IQCE: variants seen among roughly 807,000 people sequenced by gnomAD.
IQCE encodes IQ motif containing E.
Under a neutral mutation model 96.0 loss-of-function variants are expected in IQCE, and 115 were observed. The observed-to-expected ratio is 1.20, with a 90% CI of 1.03 to 1.40. IQCE has a LOEUF of 1.40. IQCE is among the 40% of genes most tolerant of loss of function. The probability of loss-of-function intolerance (pLI) is 0.00; values close to 1 mark genes in which losing one functional copy is unlikely to be tolerated. For synonymous variants in IQCE, 412 were observed against 371.2 expected, an observed-to-expected ratio of 1.11 and a Z score of -1.26; for missense variants, 1,041 against 909.1, an observed-to-expected ratio of 1.15 and a Z score of -1.87.
At chr7:2,595,299 G>A (rs1326189364) in intron 16 of IQCE, among the ~76,000 whole-genome samples, 1 of 152,176 alleles carries the variant, frequency 6.6e-6, no homozygotes, top group Non-Finnish European at 1.5e-5. Flanking sequence ...GGCTTGGGGG[G>A]AAAGGACGAA....
Position 2,598,590 on chromosome 7 carries a change from G to C in IQCE, c.1566G>C (p.Ala522=). The change falls in exon 17 of 22, where the codon GCG becomes GCC. Residue 522 remains alanine, a synonymous_variant. Transcript: ENST00000402050. ...GCTCTGATGGGAGAAGAGACGCCGCGGCCAGAGTCCTGCAGGCCCAGTGGA... is the reference window on the plus strand; with the variant it reads ...GCTCTGATGGGAGAAGAGACGCCGCCGCCAGAGTCCTGCAGGCCCAGTGGA... ...SPCSDGRRDA[A]ARVLQAQWKV... The C allele has an allele frequency of 6.2e-7, 1 of 1,600,956 alleles. No individual in the cohort carries two copies. Among genetic ancestry groups the C allele is most frequent in the Non-Finnish European group, 8.5e-7 (1 of 1,174,184 alleles).
chr7:2,559,019 T>G lies in IQCE; in HGVS notation c.-163T>G. 1 of 365,690 alleles carries G rather than the reference T, an allele frequency of 2.7e-6. No homozygotes were observed. The highest frequency in any genetic ancestry group is 4.7e-6 in the Non-Finnish European group (1 of 212,154). The allele number at this position is 365,690 out of a possible 1,614,324, so 22.7% of individuals were successfully genotyped here. A position where few individuals can be genotyped will look rare whatever the true frequency, so the allele number is the denominator to read the frequency against. On this transcript the variant is annotated 5_prime_UTR_variant, in exon 1 of 22. Transcript: ENST00000402050. ...CGCCCCAGGGGGAACGCAGGTCGCTTACCCGGCTGGGTAGGTCGGCGGCCT... is the reference window on the plus strand; with the variant it reads ...CGCCCCAGGGGGAACGCAGGTCGCTGACCCGGCTGGGTAGGTCGGCGGCCT...
intron 8 of IQCE, among the ~76,000 whole-genome samples, chr7:2,579,695 C>G (rs1306324884): frequency 4.5e-5 from 6 of 134,720 alleles, no homozygotes; most frequent in East Asian, 2.1e-4. Context: ...TTTTGTTGTT[C>G]TGGTGGTGTG....
chr7:2,601,775 C>T (rs750503121), intron 18 of IQCE: 1 of 324,734 alleles, frequency 3.1e-6, no homozygotes, highest in Non-Finnish European at 5.7e-6. Flanking sequence ...GTCTCCAACT[C>T]CTGACCTTAG....
chr7:2,601,554 T>C, intron 18 of IQCE, 90 bp downstream of exon 18: 1 of 969,666 alleles, frequency 1.0e-6, no homozygotes, highest in South Asian at 1.3e-5. Context: ...GTTGATTCCT[T>C]TTCTTTTTTT....
chr7:2,565,366 A>G (rs564846285), intron 1 of IQCE, among the ~76,000 whole-genome samples: 22 of 152,212 alleles, frequency 1.4e-4, no homozygotes, highest in East Asian at 7.7e-4. Flanking sequence ...TCCCTGCACT[A>G]TGACCGGCAG....
At chr7:2,597,747 A>T (rs1027896528) in intron 16 of IQCE, among the ~76,000 whole-genome samples, 1 of 152,186 alleles carries the variant, frequency 6.6e-6, no homozygotes, top group Non-Finnish European at 1.5e-5. Context: ...GGCTCACTGC[A>T]GCTTTGACCC....
At chr7:2,568,879 C>A in intron 2 of IQCE, 75 bp from the exon 3 acceptor site, 2 of 1,383,802 alleles carry the variant, frequency 1.4e-6, no homozygotes, top group Non-Finnish European at 2.0e-6. Context: ...CTGACCCTTT[C>A]TGAACATGGT....
rs751019633 is a variant in IQCE, at chr7:2,607,360, T to C, written c.1969+133T>C. ...GGAGTGTCCCATCTGGAGCTGCCTC[T>C]GAACTAAGCGTCGCCTTATGCCAGG... On this transcript the variant is annotated intron_variant, in intron 21 of 21. Coordinates refer to ENST00000402050, the MANE Select transcript of IQCE (RefSeq NM_152558.5). 3 of 1,429,920 alleles carry C rather than the reference T, an allele frequency of 2.1e-6. No homozygotes were observed. The African/African-American group carries it at 4.4e-5, about 21-fold the overall frequency. 88.6% of individuals were successfully genotyped at this position (1,429,920 alleles called of 1,614,324 possible).
At position 2,595,394 on chromosome 7, in the gene IQCE, C is replaced by T. The variant is rs189431230; in HGVS notation, c.1440+418C>T. ...AGAACACAAGTTGGCAAAGCCTCAG[C>T]GGGCACTGCCCTCTGGGTGGGGTGG... On this transcript the variant is annotated intron_variant, in intron 16 of 21. Coordinates refer to ENST00000402050, the MANE Select transcript of IQCE (RefSeq NM_152558.5). 6.4e-3 allele frequency among the ~76,000 whole-genome samples: 979 copies of T among 152,216 alleles called. 9 individuals are homozygous for T. The highest frequency in any genetic ancestry group is 0.027 in the South Asian group (131 of 4,816).
chr7:2,600,662 C>G (rs775831467), intron 17 of IQCE, among the ~76,000 whole-genome samples: 1 of 152,200 alleles, frequency 6.6e-6, no homozygotes, highest in Non-Finnish European at 1.5e-5. Flanking sequence ...TTGCTTCCAT[C>G]GTATATTCTG....
At chr7:2,607,843 A>C (rs1784941538) in intron 21 of IQCE, among the ~76,000 whole-genome samples, 1 of 152,218 alleles carries the variant, frequency 6.6e-6, no homozygotes. Context: ...CCTCCTGTAA[A>C]GGGAAGATGA....
At chr7:2,569,820 C>A (rs1366222379) in intron 3 of IQCE, among the ~76,000 whole-genome samples, 1 of 152,084 alleles carries the variant, frequency 6.6e-6, no homozygotes, top group Non-Finnish European at 1.5e-5. Flanking sequence ...TTGCTACTAG[C>A]CCAAGGAAAA....
chr7:2,567,065 G>A (rs372739126), intron 1 of IQCE, 51 bp from the exon 2 acceptor site: 109 of 1,519,802 alleles, frequency 7.2e-5, no homozygotes, highest in Middle Eastern at 1.7e-4. Flanking sequence ...CGTGATGGTC[G>A]GAAGCCCAGC....
chr7:2,596,867 G>A (rs1387575855), intron 16 of IQCE: 3 of 429,354 alleles, frequency 7.0e-6, no homozygotes, highest in South Asian at 1.7e-5. Flanking sequence ...GCCAAGGGCC[G>A]GAATGCTGGT....
chr7:2,574,201 A>G (rs1393085950), intron 6 of IQCE, among the ~76,000 whole-genome samples: 1 of 152,176 alleles, frequency 6.6e-6, no homozygotes, highest in East Asian at 1.9e-4. Context: ...CCATAATTTT[A>G]GTCTGTTTAT....
At chr7:2,606,935 C>T (rs1343238476) in intron 20 of IQCE, among the ~76,000 whole-genome samples, 189 bp from the exon 21 acceptor site, 1 of 152,160 alleles carries the variant, frequency 6.6e-6, no homozygotes, top group African/African-American at 2.4e-5. Flanking sequence ...TGAGGCTCTT[C>T]ACCGCCGGAC....
At chr7:2,608,725 T>C (rs1378279866) in intron 21 of IQCE, among the ~76,000 whole-genome samples, 2 of 152,266 alleles carry the variant, frequency 1.3e-5, no homozygotes, top group African/African-American at 4.8e-5. Context: ...TGCTGCCCTT[T>C]TCTCTTGCTC....
Position 2,578,347 on chromosome 7 carries a change from C to G in IQCE, c.571C>G (p.Pro191Ala), listed in dbSNP as rs769673723. The change falls in exon 7 of 22, where the codon CCC (proline) becomes GCC (alanine). Residue 191 changes from proline to alanine, a missense_variant. Physicochemically the swap from Pro to Ala is conservative, Grantham distance 27 (BLOSUM62 -1). Transcript: ENST00000402050. ...CCGGCAGATAGAGCAGCTCCTGGAT[C>G]CCAGCCGCGTAAGCTCCTGGCGCTT... ...KDRQIEQLLD[P>A]SRGTDFVRTL... 2.5e-6 allele frequency: 4 copies of G among 1,613,818 alleles called. No homozygotes were observed. In the African/African-American group the frequency reaches 4.0e-5, roughly 16 times the overall value.
Sources: gnomAD v4.1 joint callset for allele counts (sites outside exome capture counted in the v4.1 genomes callset) on GRCh38, gnomAD v4.1.1 for gene constraint, MANE v1.5 for transcripts, NCBI Gene and HGNC (gene_info 2026-07-23, HGNC 2026-07-21) for gene names.